The following PIEZO2 variants were observed in gnomAD, a reference collection of about 807,000 sequenced individuals.
The protein encoded by PIEZO2 is piezo-type mechanosensitive ion channel component 2.
A neutral mutation model predicts 337.3 loss-of-function variants in PIEZO2; 172 were observed. The ratio of observed to expected loss-of-function variants is 0.51; its 90% CI spans 0.45 to 0.58. PIEZO2 has a LOEUF of 0.58. Among genes scored for constraint, PIEZO2 ranks in the 20% least tolerant of loss-of-function variants. PIEZO2 has a pLI of 0.00. For missense variants in PIEZO2, 3,028 were observed against 3,391.3 expected, an observed-to-expected ratio of 0.89 and a Z score of 2.66; for synonymous variants, 1,251 against 1,228.5, an observed-to-expected ratio of 1.02 and a Z score of -0.38.
rs1010578949 is a variant in PIEZO2, at chr18:11,083,510, G to T, written c.65-17288C>A. Among the ~76,000 whole-genome samples, 1 of 152,186 alleles carries T rather than the reference G, an allele frequency of 6.6e-6. No individual in the cohort carries two copies. The highest frequency in any genetic ancestry group is 6.5e-5 in the Admixed American group (1 of 15,274). ...TGGAGGGGAACTAGAGAGAGGAGAAGCCTGTACACAAAGGGGGAGCCACTC... is the reference window on the plus strand; with the variant it reads ...TGGAGGGGAACTAGAGAGAGGAGAATCCTGTACACAAAGGGGGAGCCACTC... On this transcript the variant is annotated intron_variant, in intron 1 of 55. Transcript: ENST00000674853. This position sits in a 1 kb window ranked among gnomAD's most constrained non-coding sequence, Gnocchi z 4.4.
At position 10,935,049 on chromosome 18, in the gene PIEZO2, T is replaced by G. The variant is rs553591574; in HGVS notation, c.287-23821A>C. Among the ~76,000 whole-genome samples the G allele has an allele frequency of 3.9e-5, 6 of 152,318 alleles. No individual in the cohort carries two copies. The South Asian group carries it at 1.2e-3, about 32-fold the overall frequency. On this transcript the variant is annotated intron_variant, in intron 3 of 55. Transcript: ENST00000674853. ...TGTGATGTCTGTGCTCTAACCACTATGCTACAGGGTTGCTTCTCTGATCAG... is the reference window on the plus strand; with the variant it reads ...TGTGATGTCTGTGCTCTAACCACTAGGCTACAGGGTTGCTTCTCTGATCAG...
intron 1 of PIEZO2, among the ~76,000 whole-genome samples, chr18:11,123,168 A>T (rs1260035358): frequency 6.6e-6 from 1 of 152,182 alleles, no homozygotes; most frequent in Non-Finnish European, 1.5e-5. Flanking sequence ...ACAAAAGCTT[A>T]CTATGGGTTA....
In PIEZO2 at chr18:11,084,589, C is replaced by T. The variant is rs12457624; in HGVS notation, c.65-18367G>A. Among the ~76,000 whole-genome samples the T allele has an allele frequency of 1.6e-3, 248 of 152,196 alleles. 2 individuals are homozygous for T. Among genetic ancestry groups the T allele is most frequent in the Middle Eastern group, 3.4e-3 (1 of 294 alleles). On this transcript the variant is annotated intron_variant, in intron 1 of 55. Transcript: ENST00000674853. ...CTCCCGCTTGAATCCATGGAGTTGGCTTGAGTGTGGATCCCTATGTGATTT... is the reference window on the plus strand; with the variant it reads ...CTCCCGCTTGAATCCATGGAGTTGGTTTGAGTGTGGATCCCTATGTGATTT...
intron 8 of PIEZO2, 21 bp from the exon 9 acceptor site, chr18:10,804,015 C>T: frequency 1.3e-6 from 2 of 1,537,012 alleles, no homozygotes; most frequent in Non-Finnish European, 1.7e-6. Context: ...GAAACAGGAT[C>T]AGTCTTGCTT....
chr18:10,734,578 T>A (rs2036922832), intron 35 of PIEZO2, among the ~76,000 whole-genome samples: 1 of 152,236 alleles, frequency 6.6e-6, no homozygotes, highest in African/African-American at 2.4e-5. Flanking sequence ...AGAATAGGAA[T>A]TCATTATTAA....
At chr18:11,106,114 A>C (rs2039551832) in intron 1 of PIEZO2, among the ~76,000 whole-genome samples, 1 of 151,932 alleles carries the variant, frequency 6.6e-6, no homozygotes, top group South Asian at 2.1e-4. Flanking sequence ...TTGAGACGGC[A>C]TCTGGCTCTG....
intron 2 of PIEZO2, among the ~76,000 whole-genome samples, chr18:10,986,130 C>G (rs186390421): frequency 6.6e-6 from 1 of 152,068 alleles, no homozygotes; most frequent in Non-Finnish European, 1.5e-5. Flanking sequence ...GAATACATAG[C>G]TTCACTGTTG....
At chr18:10,785,793 T>A (rs1048800553) in intron 16 of PIEZO2, among the ~76,000 whole-genome samples, 2 of 152,344 alleles carry the variant, frequency 1.3e-5, no homozygotes, top group South Asian at 4.1e-4. Context: ...TGCTGCCTAC[T>A]AACTAGTCTC....
intron 7 of PIEZO2, among the ~76,000 whole-genome samples, chr18:10,811,408 C>T (rs1449426111): frequency 3.9e-5 from 6 of 151,998 alleles, no homozygotes; most frequent in Non-Finnish European, 7.4e-5. Context: ...GCTTAGGGTA[C>T]GGAAGGTTTT....
intron 1 of PIEZO2, among the ~76,000 whole-genome samples, chr18:11,130,381 G>A (rs767155212): frequency 2.0e-5 from 3 of 152,184 alleles, no homozygotes; most frequent in Non-Finnish European, 4.4e-5. Flanking sequence ...CTGTCCATAT[G>A]GCCCACCAGA....
At position 10,670,296 on chromosome 18, in the gene PIEZO2, C is replaced by T. The variant is rs2033714574; in HGVS notation, c.*1231G>A. The T allele has an allele frequency of 6.6e-6, 1 of 152,166 alleles. No homozygotes were observed. The highest frequency in any genetic ancestry group is 2.1e-4 in the South Asian group (1 of 4,828). 9.4% of individuals were successfully genotyped at this position (152,166 alleles called of 1,614,324 possible). On this transcript the variant is annotated 3_prime_UTR_variant, in exon 56 of 56. Transcript: ENST00000674853. ...TTAAGTCAGCCCTGAACCCAAACTA[C>T]ACAGGATCAATTTTTGACATATTCT... is the stretch of plus-strand genomic sequence containing the variant.
chr18:11,141,154 C>T (rs576215076), intron 1 of PIEZO2, among the ~76,000 whole-genome samples: 26 of 152,292 alleles, frequency 1.7e-4, no homozygotes, highest in Middle Eastern at 3.4e-3. Context: ...ACATGGAAAA[C>T]AGAACTCAAG....
chr18:10,836,147 G>A (rs1033394822), intron 7 of PIEZO2, among the ~76,000 whole-genome samples: 2 of 152,052 alleles, frequency 1.3e-5, no homozygotes, highest in African/African-American at 4.8e-5. Flanking sequence ...GACACACTTA[G>A]TTATGCTCCA....
Position 10,682,096 on chromosome 18 carries a change from G to A in PIEZO2, c.7686+8C>T, listed in dbSNP as rs1176040470. 8.5e-6 allele frequency: 13 copies of A among 1,533,292 alleles called. No individual in the cohort carries two copies. The highest frequency in any genetic ancestry group is 1.1e-5 in the Non-Finnish European group (13 of 1,144,772). 95.0% of individuals were successfully genotyped at this position (1,533,292 alleles called of 1,614,324 possible). ...GGCTCTGGTAGGTGGGGTGTGCACA[G>A]AGATCACCTGATACCCTCCCAGGGT... On this transcript the variant is annotated splice_region_variant and intron_variant, in intron 50 of 55. Transcript: ENST00000674853. This position sits in a 1 kb window ranked among gnomAD's most constrained non-coding sequence, Gnocchi z 5.6.
chr18:10,744,778 G>A (rs754061523), intron 30 of PIEZO2, among the ~76,000 whole-genome samples: 8 of 152,020 alleles, frequency 5.3e-5, no homozygotes, highest in Non-Finnish European at 1.2e-4. Context: ...TCACTTCTCA[G>A]GTCAACCTCA....
intron 3 of PIEZO2, among the ~76,000 whole-genome samples, chr18:10,955,613 G>A (rs1175459567): frequency 6.6e-6 from 1 of 152,202 alleles, no homozygotes; most frequent in Non-Finnish European, 1.5e-5. Context: ...GGAGCCCTGT[G>A]TATGAGAAGA....
At chr18:11,130,280 C>T (rs1412937626) in intron 1 of PIEZO2, among the ~76,000 whole-genome samples, 1 of 152,254 alleles carries the variant, frequency 6.6e-6, no homozygotes, top group Non-Finnish European at 1.5e-5. Context: ...AGCTGCTGTA[C>T]CAGATGTGGT....
At chr18:10,758,468 CAG>C (rs777834986) in intron 26 of PIEZO2, among the ~76,000 whole-genome samples, 1 of 151,852 alleles carries the variant, frequency 6.6e-6, no homozygotes, top group Non-Finnish European at 1.5e-5. Flanking sequence ...GTGTGTGAGA[CAG>C]AGTCTCGCTC....
At chr18:10,719,021 A>AT in intron 36 of PIEZO2, among the ~76,000 whole-genome samples, 1 of 150,970 alleles carries the variant, frequency 6.6e-6, no homozygotes, top group African/African-American at 2.4e-5. Flanking sequence ...AAATAAATAA[A>AT]TAAATTTGCT....
Sources: gnomAD v4.1 joint callset for allele counts (sites outside exome capture counted in the v4.1 genomes callset) on GRCh38, gnomAD v4.1.1 for gene constraint, Gnocchi (gnomAD v3.1) non-coding constraint, MANE v1.5 for transcripts, NCBI Gene and HGNC (gene_info 2026-07-23, HGNC 2026-07-21) for gene names.